MCMBP: variants seen among roughly 807,000 people sequenced by gnomAD.
MCMBP encodes the protein mini-chromosome maintenance complex-binding protein.
Under a neutral mutation model 81.3 loss-of-function variants are expected in MCMBP, and 31 were observed. The observed-to-expected ratio is 0.38, with a 90% CI of 0.29 to 0.51. The LOEUF (loss-of-function observed/expected upper bound fraction) is 0.51, where lower values mean the gene tolerates loss of function less well. Ranked by LOEUF, MCMBP falls within the 20% of genes least tolerant of loss-of-function variation. The pLI, the probability that MCMBP is intolerant of heterozygous loss-of-function variation, is 0.87. For missense variants in MCMBP, 645 were observed against 772.1 expected (o/e 0.84, Z 1.95); for synonymous variants, 267 against 275.9 (o/e 0.97, Z 0.32).
intron 15 of MCMBP, 120 bp from the exon 16 acceptor site, chr10:119,831,720 G>A (rs938486434): frequency 3.1e-5 from 36 of 1,178,662 alleles, no homozygotes; most frequent in Middle Eastern, 2.5e-4. Flanking sequence ...AAGACCGTAT[G>A]GTAGTTACAC....
chr10:119,860,743 G>T (rs530005709), intron 1 of MCMBP, among the ~76,000 whole-genome samples: 1 of 152,202 alleles, frequency 6.6e-6, no homozygotes, highest in Non-Finnish European at 1.5e-5. Flanking sequence ...TTTAAAAATT[G>T]AATGCTTCTC....
chr10:119,843,525 G>C, intron 8 of MCMBP, 99 bp from the exon 9 acceptor site: 1 of 1,164,036 alleles, frequency 8.6e-7, no homozygotes, highest in Admixed American at 2.3e-5. Flanking sequence ...TTAAAGCCAA[G>C]AATATTTCCA....
At chr10:119,867,685 T>C (rs1381015061) in intron 1 of MCMBP, among the ~76,000 whole-genome samples, 4 of 152,146 alleles carry the variant, frequency 2.6e-5, no homozygotes, top group African/African-American at 9.7e-5. Context: ...AGAGAAAGTG[T>C]GCAGAGATTA....
In MCMBP at chr10:119,836,757, G is replaced by GTTTTT. The variant is rs199759464; in HGVS notation, c.1542+134_1542+138dup. 3.8e-4 allele frequency: 113 copies of GTTTTT among 296,966 alleles called. 8 individuals are homozygous for GTTTTT. The highest frequency in any genetic ancestry group is 1.3e-3 in the African/African-American group (39 of 30,950). The allele number at this position is 296,966 out of a possible 1,614,324, so 18.4% of individuals were successfully genotyped here. A position where few individuals can be genotyped will look rare whatever the true frequency, so the allele number is the denominator to read the frequency against. ...ATTCCCTTAATGATCAGCAGTCACA[G>GTTTTT]TTTTTTTTTTTTTTTTTTTTTTTTT... On this transcript the variant is annotated intron_variant, in intron 13 of 15. Coordinates refer to ENST00000369077, the MANE Select transcript of MCMBP (RefSeq NM_001256378.2).
At chr10:119,845,947 T>C (rs1015020212) in intron 8 of MCMBP, among the ~76,000 whole-genome samples, 2 of 152,204 alleles carry the variant, frequency 1.3e-5, no homozygotes, top group African/African-American at 4.8e-5. Context: ...TATGAACCCA[T>C]GGTTTTTCAC....
intron 1 of MCMBP, among the ~76,000 whole-genome samples, chr10:119,871,815 C>A (rs920340766): frequency 6.6e-6 from 1 of 152,268 alleles, no homozygotes; most frequent in Admixed American, 6.5e-5. Context: ...ATAAACTTTT[C>A]TTCGTATACC....
intron 1 of MCMBP, among the ~76,000 whole-genome samples, chr10:119,872,166 G>A (rs1853701143): frequency 6.6e-6 from 1 of 152,150 alleles, no homozygotes; most frequent in South Asian, 2.1e-4. Context: ...GCCCTCCCCA[G>A]GGTTCGAGGA....
chr10:119,854,754 T>A lies in MCMBP; in HGVS notation c.430-1560A>T, dbSNP rs1186740504. On this transcript the variant is annotated intron_variant, in intron 5 of 15. Transcript: ENST00000369077. ...GGTGGATCACCTGAGGTCAGGAGAT[T>A]AAGACCATCCTGGCCAACATGGTGA... 2.0e-5 allele frequency among the ~76,000 whole-genome samples: 3 copies of A among 151,452 alleles called. No homozygotes were observed. The East Asian group carries it at 5.8e-4, about 29-fold the overall frequency.
intron 14 of MCMBP, among the ~76,000 whole-genome samples, chr10:119,835,009 T>C (rs951614498): frequency 1.3e-5 from 2 of 152,190 alleles, no homozygotes; most frequent in Admixed American, 6.5e-5. Context: ...GTAAAAGTGA[T>C]TGCATAGGCA....
In MCMBP at chr10:119,840,895, T is replaced by C; in HGVS notation, c.1190A>G (p.Asn397Ser). The C allele has an allele frequency of 1.9e-6, 3 of 1,611,410 alleles. No homozygotes were observed. The highest frequency in any genetic ancestry group is 2.5e-6 in the Non-Finnish European group (3 of 1,178,994). Residue 397 changes from asparagine (N) to serine (S), a missense_variant, in exon 11 of 16, where the codon AAT becomes AGT. Physicochemically the swap from Asn to Ser is conservative, Grantham distance 46. Transcript: ENST00000369077. The part of the protein sequence containing the change: ...FTVNLSGCPR[N>S]STFTEHLYRI... ...ATACAAGTGTTCTGTGAAGGTACTATTCCGTGGGCAACCACTCAAGTTAAC... is the reference window on the plus strand; with the variant it reads ...ATACAAGTGTTCTGTGAAGGTACTACTCCGTGGGCAACCACTCAAGTTAAC...
At chr10:119,838,271 A>G (rs1852318095) in intron 12 of MCMBP, among the ~76,000 whole-genome samples, 1 of 148,224 alleles carries the variant, frequency 6.7e-6, no homozygotes, top group Non-Finnish European at 1.5e-5. Flanking sequence ...GACATTATAT[A>G]TTATATATGA....
intron 5 of MCMBP, among the ~76,000 whole-genome samples, chr10:119,854,540 AAAATAAATAAATAAAT>A (rs138139742): frequency 3.1e-4 from 43 of 140,750 alleles, no homozygotes; most frequent in African/African-American, 7.9e-4. Flanking sequence ...CCCTGTCTCA[AAAATAAATAAATAAAT>A]AAATAAATAA....
At position 119,859,130 on chromosome 10, in the gene MCMBP, CA is replaced by C; in HGVS notation, c.195del (p.Phe65LeufsTer2). 6.2e-7 allele frequency: 1 copy of C among 1,613,878 alleles called. No individual in the cohort carries two copies. The highest frequency in any genetic ancestry group is 8.5e-7 in the Non-Finnish European group (1 of 1,179,896). ...VPLHYLKPNS[F>X]VKFRCMIQDM... Reference sequence around the variant, plus strand: ...TCCTGAATCATGCAACGAAATTTCACAAAACTATTAGGTTTCAAATAATGAA... The same window carrying C: ...TCCTGAATCATGCAACGAAATTTCACAAACTATTAGGTTTCAAATAATGAA... On this transcript the variant is annotated frameshift_variant, in exon 3 of 16. Transcript: ENST00000369077. LOFTEE classifies it high-confidence loss of function.
chr10:119,850,804 T>G, intron 6 of MCMBP, among the ~76,000 whole-genome samples: 1 of 149,508 alleles, frequency 6.7e-6, no homozygotes, highest in East Asian at 1.9e-4. Context: ...TTCCTGGTTA[T>G]GACATTCTAC....
chr10:119,870,462 A>G (rs1192242569), intron 1 of MCMBP, among the ~76,000 whole-genome samples: 1 of 152,062 alleles, frequency 6.6e-6, no homozygotes, highest in African/African-American at 2.4e-5. Flanking sequence ...AAAAATGCAT[A>G]TTTCAAAATA....
At chr10:119,843,479 C>A in intron 8 of MCMBP, 53 bp from the exon 9 acceptor site, 1 of 1,542,518 alleles carries the variant, frequency 6.5e-7, no homozygotes. Flanking sequence ...TGCACAGATG[C>A]AAAAATAATG....
At chr10:119,867,663 T>C (rs1019949800) in intron 1 of MCMBP, among the ~76,000 whole-genome samples, 6 of 152,034 alleles carry the variant, frequency 3.9e-5, no homozygotes, top group Non-Finnish European at 7.4e-5. Flanking sequence ...TTGGGAGACA[T>C]GGAGTAGAGA....
In MCMBP at chr10:119,829,491, AC is replaced by A. The variant is rs1851910510; in HGVS notation, c.*1982del. 1.3e-5 allele frequency: 2 copies of A among 152,274 alleles called. No homozygotes were observed. The highest frequency in any genetic ancestry group is 1.3e-4 in the Admixed American group (2 of 15,288). 9.4% of individuals were successfully genotyped at this position (152,274 alleles called of 1,614,324 possible). On this transcript the variant is annotated 3_prime_UTR_variant, in exon 16 of 16. Coordinates refer to ENST00000369077, the MANE Select transcript of MCMBP (RefSeq NM_001256378.2). ...TCATTTTAAGAAGGCAAAGTTCCAA[AC>A]AGGGTTACACAGGAGTCTACTCAGT...
rs1487742545 is a variant in MCMBP, at chr10:119,840,928, T to C, written c.1157A>G (p.Lys386Arg). 1 of 1,610,222 alleles carries C rather than the reference T, an allele frequency of 6.2e-7. No individual in the cohort carries two copies. The highest frequency in any genetic ancestry group is 8.5e-7 in the Non-Finnish European group (1 of 1,178,100). ...YTRRDVLPLGKFTVNLSGCPR... is the reference protein window; with the variant it reads ...YTRRDVLPLGRFTVNLSGCPR... ...GCAACCACTCAAGTTAACTGTAAAT[T>C]TTCCTAGTGGAAGGACATCTCTTCT... The change falls in exon 11 of 16, where the codon AAA (lysine) becomes AGA (arginine). Residue 386 changes from lysine (K) to arginine (R), a missense_variant. Lys to Arg is a conservative substitution (Grantham distance 26). Transcript: ENST00000369077.
Sources: gnomAD v4.1 joint callset for allele counts (sites outside exome capture counted in the v4.1 genomes callset) on GRCh38, gnomAD v4.1.1 for gene constraint, MANE v1.5 for transcripts, NCBI Gene and HGNC (gene_info 2026-07-23, HGNC 2026-07-21) for gene names.